Variants in GCC2 observed in about 807,000 individuals in gnomAD.
The protein encoded by GCC2 is GRIP and coiled-coil domain containing 2, also known as GRIP and coiled-coil domain-containing protein 2.
In GCC2, 120 loss-of-function variants were observed where a neutral mutation model predicts 210.6. That is an observed-to-expected ratio of 0.57 (90% confidence interval 0.49 to 0.66). The LOEUF is 0.66. Ranked by LOEUF, GCC2 falls within the 30% of genes least tolerant of loss-of-function variation. The pLI, the probability that GCC2 is intolerant of heterozygous loss-of-function variation, is 0.00. For missense variants in GCC2, 1,868 were observed against 1,871.9 expected, an observed-to-expected ratio of 1.00 and a Z score of 0.04; for synonymous variants, 703 against 652.7, an observed-to-expected ratio of 1.08 and a Z score of -1.17.
intron 13 of GCC2, among the ~76,000 whole-genome samples, chr2:108,485,087 T>C (rs1468621641): frequency 1.0e-4 from 15 of 150,524 alleles, no homozygotes; most frequent in Admixed American, 2.7e-4. Flanking sequence ...AACCAAACAC[T>C]GCATATTCTC....
chr2:108,500,779 G>A (rs1419507796), intron 22 of GCC2, among the ~76,000 whole-genome samples: 7 of 152,144 alleles, frequency 4.6e-5, no homozygotes, highest in Non-Finnish European at 1.0e-4. Flanking sequence ...TTCAACTCAT[G>A]GACAATCTTT....
chr2:108,491,592 C>A (rs1020095843), intron 18 of GCC2, among the ~76,000 whole-genome samples: 3 of 152,026 alleles, frequency 2.0e-5, no homozygotes, highest in Non-Finnish European at 2.9e-5. Flanking sequence ...GAAAAAATAT[C>A]TTGGAAAAGT....
At chr2:108,459,856 G>A (rs1680472742) in intron 4 of GCC2, among the ~76,000 whole-genome samples, 1 of 144,804 alleles carries the variant, frequency 6.9e-6, no homozygotes, top group African/African-American at 2.5e-5. Flanking sequence ...CTTGAACCTG[G>A]AATGCAGAGG....
At position 108,470,917 on chromosome 2, in the gene GCC2, A is replaced by G. The variant is rs940939996; in HGVS notation, c.1588A>G (p.Lys530Glu). Residue 530 changes from lysine to glutamate, a missense_variant, in exon 6 of 23, where the codon AAA becomes GAA. By Grantham distance (56) the Lys-to-Glu change is moderately conservative. Around this residue, in one of 3 missense-constraint regions of GCC2, gnomAD observed 1,847 missense variants for 1,765.2 expected, o/e 1.05. Transcript: ENST00000309863. ...GAAGCTCAGAACTGCTTTTACTGAA[A>G]AAGATGCCCTTCTCGAAACTGTGAA... ...QQKLRTAFTE[K>E]DALLETVNRL... The G allele has an allele frequency of 1.2e-5, 19 of 1,613,510 alleles. No homozygotes were observed. The highest frequency in any genetic ancestry group is 1.5e-5 in the Non-Finnish European group (18 of 1,179,728).
chr2:108,485,962 G>T (rs955846579), intron 15 of GCC2, 54 bp downstream of exon 15: 4 of 798,560 alleles, frequency 5.0e-6, no homozygotes, highest in African/African-American at 1.8e-5. Context: ...TAGAAGTGAG[G>T]TACCATTTAG....
chr2:108,502,990 G>C (rs1016884701), intron 22 of GCC2, among the ~76,000 whole-genome samples: 2 of 151,702 alleles, frequency 1.3e-5, no homozygotes, highest in African/African-American at 4.8e-5. Context: ...ATTCAGCATG[G>C]GAGAAACAAA....
At chr2:108,506,491 G>A (rs1016030898) in intron 22 of GCC2, among the ~76,000 whole-genome samples, 69 of 152,324 alleles carry the variant, frequency 4.5e-4, no homozygotes, top group African/African-American at 1.5e-3. Context: ...TTGAGGAGGT[G>A]AAAATGTGCC....
Position 108,492,463 on chromosome 2 carries a change from AC to A in GCC2, c.4230-109del, listed in dbSNP as rs1682450546. On this transcript the variant is annotated intron_variant, in intron 18 of 22. Transcript: ENST00000309863. ...GTATGTAGGAGAGAAGTTGATTCAT[AC>A]ATTCAGTAGAGGTCTTAGAGCTAAT... 21 of 692,594 alleles carry A rather than the reference AC, an allele frequency of 3.0e-5. No homozygotes were observed. The South Asian group carries it at 3.5e-4, about 12-fold the overall frequency. 42.9% of individuals were successfully genotyped at this position (692,594 alleles called of 1,614,324 possible).
In GCC2 at chr2:108,483,322, C is replaced by G. The variant is rs567971244; in HGVS notation, c.3450+156C>G. ...CACTGCAACCTCCGCCTCCCGAGTT[C>G]AAGCAGTTCTTGTGCCTCAGCCTTC... On this transcript the variant is annotated intron_variant, in intron 12 of 22. Coordinates refer to ENST00000309863, the MANE Select transcript of GCC2 (RefSeq NM_181453.4). 1.1e-3 allele frequency among the ~76,000 whole-genome samples: 161 copies of G among 152,274 alleles called. 4 individuals are homozygous for G. The South Asian group carries it at 0.031, about 30-fold the overall frequency.
intron 9 of GCC2, among the ~76,000 whole-genome samples, chr2:108,479,378 C>G (rs1014489448): frequency 6.6e-6 from 1 of 152,084 alleles, no homozygotes; most frequent in South Asian, 2.1e-4. Flanking sequence ...TGGTGGCTCA[C>G]ACCTGTTATC....
intron 22 of GCC2, among the ~76,000 whole-genome samples, chr2:108,503,217 C>T (rs1038270608): frequency 2.0e-5 from 3 of 151,358 alleles, no homozygotes; most frequent in African/African-American, 7.3e-5. Context: ...TAAAACTGCC[C>T]CTAAAAAAGA....
intron 22 of GCC2, among the ~76,000 whole-genome samples, chr2:108,501,426 A>G (rs1235964367): frequency 1.3e-5 from 2 of 152,182 alleles, no homozygotes; most frequent in East Asian, 1.9e-4. Flanking sequence ...AACTTGTTCT[A>G]ATTGCCTATA....
chr2:108,456,570 T>G (rs1680289961), intron 4 of GCC2, among the ~76,000 whole-genome samples: 1 of 152,216 alleles, frequency 6.6e-6, no homozygotes, highest in Non-Finnish European at 1.5e-5. Flanking sequence ...TTTGAGTTCC[T>G]TGTATACTCT....
At chr2:108,492,869 TAAGA>T (rs143344405) in intron 19 of GCC2, 79 bp downstream of exon 19, 168,956 of 1,091,144 alleles carry the variant, frequency 0.15, 15,471 homozygotes, top group African/African-American at 0.27. Flanking sequence ...CACAAATTCA[TAAGA>T]AAGAAAATTT....
At chr2:108,456,559 G>T (rs371862159) in intron 4 of GCC2, among the ~76,000 whole-genome samples, 1 of 152,052 alleles carries the variant, frequency 6.6e-6, no homozygotes, top group African/African-American at 2.4e-5. Context: ...ATGTTGTGTT[G>T]TTTGAGTTCC....
intron 4 of GCC2, among the ~76,000 whole-genome samples, chr2:108,457,856 T>A (rs1680352547): frequency 6.6e-6 from 1 of 152,174 alleles, no homozygotes; most frequent in African/African-American, 2.4e-5. Flanking sequence ...TGATAGTCTT[T>A]TGTCATCTGT....
At chr2:108,484,454 G>A in intron 13 of GCC2, 143 bp downstream of exon 13, 1 of 520,672 alleles carries the variant, frequency 1.9e-6, no homozygotes, top group Non-Finnish European at 3.4e-6. Context: ...TGGGGACCCA[G>A]AATGGGTGTA....
intron 9 of GCC2, among the ~76,000 whole-genome samples, chr2:108,480,305 G>A (rs1430312912): frequency 1.3e-5 from 2 of 152,166 alleles, no homozygotes; most frequent in East Asian, 1.9e-4. Context: ...TTACACTTTT[G>A]GTGGGAGTGT....
rs536596091 is a variant in GCC2 at position 108,505,702 on chromosome 2, A to G, written c.4985-1858A>G. On this transcript the variant is annotated intron_variant, in intron 22 of 22. Transcript: ENST00000309863. ...GATTCTTCTCCAGTCCAGCCTTCAG[A>G]TGAGACCCCAGCCATGCCAACATCT... is the stretch of plus-strand genomic sequence containing the variant. Among the ~76,000 whole-genome samples, 164 of 151,850 alleles carry G rather than the reference A, an allele frequency of 1.1e-3. 4 individuals are homozygous for G. The South Asian group carries it at 0.032, about 30-fold the overall frequency.
Sources: allele counts gnomAD v4.1 joint callset (sites outside exome capture counted in the v4.1 genomes callset), GRCh38; gene constraint gnomAD v4.1.1; regional missense constraint gnomAD v4.1.1; transcripts MANE v1.5; gene names NCBI Gene and HGNC (gene_info 2026-07-23, HGNC 2026-07-21).